DROSHA: variants seen among roughly 807,000 people sequenced by gnomAD.
DROSHA encodes the protein ribonuclease 3.
In DROSHA, 56 loss-of-function variants were observed where a neutral mutation model predicts 181.9. The observed-to-expected ratio is 0.31, with a 90% confidence interval of 0.25 to 0.38. The LOEUF (loss-of-function observed/expected upper bound fraction) is 0.38. Ranked by LOEUF, DROSHA falls within the 10% of genes least tolerant of loss-of-function variation. DROSHA has a pLI of 1.00. For synonymous variants in DROSHA, 524 were observed against 591.2 expected (o/e 0.89, Z 1.65); for missense variants, 1,218 against 1,743.5 (o/e 0.70, Z 5.37).
At chr5:31,483,830 C>A (rs575445436) in intron 15 of DROSHA, among the ~76,000 whole-genome samples, 13 of 152,132 alleles carry the variant, frequency 8.5e-5, no homozygotes, top group Non-Finnish European at 1.8e-4. Context: ...CCAAGGAAGA[C>A]TGCAATGAGG....
intron 20 of DROSHA, among the ~76,000 whole-genome samples, chr5:31,459,925 C>T (rs1463819292): frequency 6.6e-5 from 10 of 152,118 alleles, no homozygotes; most frequent in Admixed American, 1.3e-4. Context: ...ACAATGTCTC[C>T]GCATTTGGCA....
rs1200442603 is a variant in DROSHA, at chr5:31,511,102, C to T, written c.1365G>A (p.Arg455=). The T allele has an allele frequency of 6.2e-7, 1 of 1,613,868 alleles. No homozygotes were observed. Among genetic ancestry groups the T allele is most frequent in the South Asian group, 1.1e-5 (1 of 91,070 alleles). The part of the protein sequence containing the change: ...YDKFEEELGS[R]QEKAKAARPP... ...GCCGAGCAGCTTTGGCCTTTTCTTG[C>T]CTGCTCCCCAACTCCTCCTCAAATT... Residue 455 remains arginine (R), a synonymous_variant, in exon 9 of 36, where the codon AGG becomes AGA. Transcript: ENST00000344624.
chr5:31,499,899 A>T (rs1369216628), intron 11 of DROSHA, among the ~76,000 whole-genome samples: 3 of 151,988 alleles, frequency 2.0e-5, no homozygotes, highest in South Asian at 4.1e-4. Context: ...GCCAGAAGAA[A>T]CTCTCACTAC....
chr5:31,505,172 A>G (rs1401654664), intron 10 of DROSHA, among the ~76,000 whole-genome samples: 1 of 152,106 alleles, frequency 6.6e-6, no homozygotes, highest in African/African-American at 2.4e-5. Context: ...AGTGCCACGA[A>G]CTCCGCCCAC....
At chr5:31,418,130 C>T (rs1298434381) in intron 30 of DROSHA, among the ~76,000 whole-genome samples, 1 of 152,136 alleles carries the variant, frequency 6.6e-6, no homozygotes, top group African/African-American at 2.4e-5. Context: ...ATGAACACAA[C>T]CTTCAGATTC....
chr5:31,481,256 G>T (rs909061520), intron 16 of DROSHA, among the ~76,000 whole-genome samples: 50 of 151,942 alleles, frequency 3.3e-4, no homozygotes, highest in African/African-American at 1.1e-3. Context: ...ATTTTCAAAG[G>T]GGAGTCTAAT....
intron 20 of DROSHA, among the ~76,000 whole-genome samples, chr5:31,457,499 T>C (rs77397381): frequency 0.013 from 1,981 of 152,002 alleles, 51 homozygotes; most frequent in African/African-American, 0.045. Flanking sequence ...GCAACAGAGA[T>C]AGAAGTTAGA....
chr5:31,475,224 G>A (rs1028009319), intron 16 of DROSHA, among the ~76,000 whole-genome samples: 1 of 152,142 alleles, frequency 6.6e-6, no homozygotes, highest in African/African-American at 2.4e-5. Context: ...AGGCTGAGGT[G>A]GGAGGATCAC....
At chr5:31,502,924 G>T (rs537323097) in intron 11 of DROSHA, among the ~76,000 whole-genome samples, 1 of 152,254 alleles carries the variant, frequency 6.6e-6, no homozygotes, top group Non-Finnish European at 1.5e-5. Context: ...AATATAGATG[G>T]ACTCCTGGTC....
Position 31,531,999 on chromosome 5 carries a change from G to T in DROSHA, c.-259C>A. The T allele has an allele frequency of 3.9e-6, 1 of 256,788 alleles. No individual in the cohort carries two copies. Among genetic ancestry groups the T allele is most frequent in the Admixed American group, 5.2e-5 (1 of 19,234 alleles). The allele number at this position is 256,788 out of a possible 1,614,324, so 15.9% of individuals were successfully genotyped here. A position where few individuals can be genotyped will look rare whatever the true frequency, so the allele number is the denominator to read the frequency against. On this transcript the variant is annotated 5_prime_UTR_variant, in exon 1 of 36. Transcript: ENST00000344624. Reference sequence around the variant, plus strand: ...AAGGTACCCCTTTTACCTATAAAAGGCTCTCGGGCCGCGAGATCGCCGTCA... The same window carrying T: ...AAGGTACCCCTTTTACCTATAAAAGTCTCTCGGGCCGCGAGATCGCCGTCA...
At chr5:31,417,811 G>C (rs1344333915) in intron 30 of DROSHA, among the ~76,000 whole-genome samples, 3 of 152,166 alleles carry the variant, frequency 2.0e-5, no homozygotes, top group Non-Finnish European at 4.4e-5. Flanking sequence ...CACTGTAGAT[G>C]AAAGGCCAGC....
chr5:31,473,066 A>C (rs1311013974), intron 16 of DROSHA, among the ~76,000 whole-genome samples: 3 of 152,096 alleles, frequency 2.0e-5, no homozygotes, highest in Non-Finnish European at 2.9e-5. Flanking sequence ...ACCCAACCAA[A>C]CAAAGGACAA....
chr5:31,504,743 C>CT (rs1283740932), intron 10 of DROSHA, 108 bp from the exon 11 acceptor site: 1 of 1,072,680 alleles, frequency 9.3e-7, no homozygotes, highest in Admixed American at 2.1e-5. Context: ...CGCTGAAGCT[C>CT]TGAGAGGCTG....
At position 31,480,603 on chromosome 5, in the gene DROSHA, C is replaced by T. The variant is rs188012923; in HGVS notation, c.2071+2951G>A. On this transcript the variant is annotated intron_variant, in intron 16 of 35. Coordinates refer to ENST00000344624, the MANE Select transcript of DROSHA (RefSeq NM_001382508.1). ...TTCAGTATTTATGTTATAGTTCAAC[C>T]AAAAGTTTACTTTATAAAAATGAGA... 8.5e-5 allele frequency among the ~76,000 whole-genome samples: 13 copies of T among 152,050 alleles called. No individual in the cohort carries two copies. In the East Asian group the frequency reaches 2.5e-3, roughly 29 times the overall value.
At chr5:31,525,503 CAAAAAAAAAAAA>C (rs397970711) in intron 5 of DROSHA, among the ~76,000 whole-genome samples, 3 of 36,156 alleles carry the variant, frequency 8.3e-5, no homozygotes, top group Non-Finnish European at 5.4e-5. Context: ...GATTCTGTCA[CAAAAAAAAAAAA>C]AAAAAAAAAA....
chr5:31,492,580 C>T (rs976631668), intron 13 of DROSHA, among the ~76,000 whole-genome samples: 1 of 152,188 alleles, frequency 6.6e-6, no homozygotes, highest in Non-Finnish European at 1.5e-5. Context: ...CACTGCCAGC[C>T]AATTCACTCT....
chr5:31,528,978 C>T (rs1740907279), intron 4 of DROSHA, 62 bp downstream of exon 4: 1 of 1,600,662 alleles, frequency 6.2e-7, no homozygotes, highest in Non-Finnish European at 8.5e-7. Context: ...TATAGCCCAG[C>T]ACCAATGTCT....
chr5:31,529,167 A>T, intron 3 of DROSHA, 62 bp from the exon 4 acceptor site: 12 of 1,417,134 alleles, frequency 8.5e-6, no homozygotes, highest in Middle Eastern at 3.5e-4. Flanking sequence ...ATGCTACAAA[A>T]TATTTCTGCA....
chr5:31,410,089 A>G (rs180762865), intron 31 of DROSHA, among the ~76,000 whole-genome samples: 28 of 152,234 alleles, frequency 1.8e-4, no homozygotes, highest in Admixed American at 1.8e-3. Context: ...ATGCCTTTGC[A>G]CTTTGTAAAT....
Sources: gnomAD v4.1 joint callset for allele counts (sites outside exome capture counted in the v4.1 genomes callset) on GRCh38, gnomAD v4.1.1 for gene constraint, MANE v1.5 for transcripts, NCBI Gene and HGNC (gene_info 2026-07-23, HGNC 2026-07-21) for gene names.